DDAH1: variants seen among roughly 807,000 people sequenced by gnomAD.
The protein encoded by DDAH1 is dimethylarginine dimethylaminohydrolase 1, also known as N(G),N(G)-dimethylarginine dimethylaminohydrolase 1.
Under a neutral mutation model 28.8 loss-of-function variants are expected in DDAH1, and 19 were observed. That is an observed-to-expected ratio of 0.66 (90% CI 0.46 to 0.97). The LOEUF (loss-of-function observed/expected upper bound fraction) is 0.97. DDAH1 is among the 50% of genes least tolerant of loss of function. The pLI is 0.00. For synonymous variants in DDAH1, 153 were observed against 154.4 expected (o/e 0.99, Z 0.07); for missense variants, 326 against 375.9 (o/e 0.87, Z 1.10).
At chr1:85,425,942 G>A (rs563722620) in intron 1 of DDAH1, among the ~76,000 whole-genome samples, 1 of 152,252 alleles carries the variant, frequency 6.6e-6, no homozygotes, top group African/African-American at 2.4e-5. Flanking sequence ...ATAAGCACTA[G>A]TCTAGCTACC....
At chr1:85,363,490 C>T (rs572158406) in intron 1 of DDAH1, among the ~76,000 whole-genome samples, 8 of 152,336 alleles carry the variant, frequency 5.3e-5, no homozygotes, top group African/African-American at 1.7e-4. Context: ...TCTACCCCTA[C>T]ACTTGTCTAG....
At chr1:85,410,060 C>T (rs1327243384) in intron 1 of DDAH1, among the ~76,000 whole-genome samples, 1 of 151,956 alleles carries the variant, frequency 6.6e-6, no homozygotes, top group Admixed American at 6.6e-5. Context: ...GCGGGAGGAT[C>T]ACTTGAGCCC....
At chr1:85,457,118 T>C (rs1052233145) in intron 1 of DDAH1, among the ~76,000 whole-genome samples, 1 of 152,332 alleles carries the variant, frequency 6.6e-6, no homozygotes, top group East Asian at 1.9e-4. Flanking sequence ...TCTGTACCTG[T>C]TTCTTTTGGT....
At chr1:85,437,725 A>C (rs1421992002) in intron 1 of DDAH1, among the ~76,000 whole-genome samples, 1 of 152,206 alleles carries the variant, frequency 6.6e-6, no homozygotes. Flanking sequence ...CAATGTATTT[A>C]ATCTCTTAAA....
chr1:85,411,758 C>T (rs1410007541), intron 1 of DDAH1, among the ~76,000 whole-genome samples: 1 of 152,150 alleles, frequency 6.6e-6, no homozygotes, highest in Non-Finnish European at 1.5e-5. Context: ...TCTGAGGCTC[C>T]CCATGGGGAC....
intron 1 of DDAH1, among the ~76,000 whole-genome samples, chr1:85,434,480 G>C (rs1045253192): frequency 1.3e-5 from 2 of 151,846 alleles, no homozygotes; most frequent in Non-Finnish European, 2.9e-5. Flanking sequence ...GCAGTGGCAT[G>C]ATCTTGGCTC....
chr1:85,462,944 A>G (rs540196726), intron 1 of DDAH1, among the ~76,000 whole-genome samples: 2 of 152,270 alleles, frequency 1.3e-5, no homozygotes, highest in African/African-American at 4.8e-5. Flanking sequence ...AATAGTCAAC[A>G]TTCATCAAAT....
intron 1 of DDAH1, among the ~76,000 whole-genome samples, chr1:85,518,779 T>G (rs1354992939): frequency 6.6e-6 from 1 of 152,342 alleles, no homozygotes; most frequent in East Asian, 1.9e-4. Context: ...GACATAGACA[T>G]CTTGGGGGAC....
At chr1:85,476,218 A>G (rs1157952994) in intron 2 of DDAH1, among the ~76,000 whole-genome samples, 1 of 152,070 alleles carries the variant, frequency 6.6e-6, no homozygotes, top group Non-Finnish European at 1.5e-5. Flanking sequence ...TCTCCTCTGA[A>G]TTATCTTTCC....
intron 2 of DDAH1, chr1:85,494,406 C>A (rs367701378): frequency 6.6e-6 from 1 of 152,278 alleles, no homozygotes. Flanking sequence ...TCCTCTTTTT[C>A]ATAATATGTA....
chr1:85,383,973 G>T (rs1159031520), intron 1 of DDAH1, among the ~76,000 whole-genome samples: 2 of 152,080 alleles, frequency 1.3e-5, no homozygotes, highest in African/African-American at 4.8e-5. Flanking sequence ...TGTGGTATTT[G>T]CTTTTATTGT....
At chr1:85,386,613 G>A (rs1651276281) in intron 1 of DDAH1, among the ~76,000 whole-genome samples, 1 of 152,212 alleles carries the variant, frequency 6.6e-6, no homozygotes. Context: ...CAAGCTGAGG[G>A]TACATGCTGC....
At chr1:85,356,751 G>A (rs1310884567) in intron 2 of DDAH1, among the ~76,000 whole-genome samples, 1 of 152,118 alleles carries the variant, frequency 6.6e-6, no homozygotes, top group African/African-American at 2.4e-5. Context: ...TAGTATCAAA[G>A]GCAAGCCTAA....
chr1:85,538,527 C>T (rs1412556285), intron 1 of DDAH1, among the ~76,000 whole-genome samples: 9 of 152,130 alleles, frequency 5.9e-5, no homozygotes, highest in African/African-American at 2.2e-4. Context: ...AGTTTCATTT[C>T]TTTCTCTGAC....
chr1:85,337,456 A>AT (rs35496019), intron 4 of DDAH1, among the ~76,000 whole-genome samples: 5,133 of 144,930 alleles, frequency 0.035, 137 homozygotes, highest in East Asian at 0.12. Flanking sequence ...AATAAAACTA[A>AT]TTTTTTTTTT....
chr1:85,492,452 C>A (rs956935480), intron 2 of DDAH1, among the ~76,000 whole-genome samples: 1 of 152,050 alleles, frequency 6.6e-6, no homozygotes, highest in African/African-American at 2.4e-5. Flanking sequence ...GAAAGTGCAG[C>A]CAAGATTCTG....
At chr1:85,496,458 GAGTA>G (rs1421578536) in intron 1 of DDAH1, among the ~76,000 whole-genome samples, 1 of 152,178 alleles carries the variant, frequency 6.6e-6, no homozygotes, top group African/African-American at 2.4e-5. Flanking sequence ...ACTCACAACT[GAGTA>G]AGTAATATTT....
At chr1:85,347,769 AAAG>A (rs1423070547) in intron 4 of DDAH1, among the ~76,000 whole-genome samples, 1 of 130,396 alleles carries the variant, frequency 7.7e-6, no homozygotes, top group Non-Finnish European at 1.7e-5. Context: ...TATAATAAAA[AAAG>A]AAAAAATAAT....
chr1:85,331,430 T>TGTATATATATAC (rs1557469721), intron 4 of DDAH1, among the ~76,000 whole-genome samples: 26 of 151,310 alleles, frequency 1.7e-4, no homozygotes, highest in South Asian at 8.3e-4. Flanking sequence ...TATGTATATA[T>TGTATATATATAC]ATATATATAA....
Sources: allele counts gnomAD v4.1 joint callset (sites outside exome capture counted in the v4.1 genomes callset), GRCh38; gene constraint gnomAD v4.1.1; transcripts MANE v1.5; gene names NCBI Gene and HGNC (gene_info 2026-07-23, HGNC 2026-07-21).